Variants in PIWIL1 observed in about 807,000 individuals in gnomAD.
PIWIL1 encodes piwi-like protein 1.
PIWIL1 carries 73 observed loss-of-function variants against 114.4 expected under a neutral mutation model. The observed-to-expected ratio is 0.64, with a 90% CI of 0.53 to 0.78. PIWIL1 has a LOEUF of 0.78. PIWIL1 is among the 30% of genes least tolerant of loss of function. PIWIL1 has a pLI of 0.00. For missense variants in PIWIL1, 723 were observed against 1,063.1 expected, an observed-to-expected ratio of 0.68 and a Z score of 4.45; for synonymous variants, 375 against 369.0, an observed-to-expected ratio of 1.02 and a Z score of -0.19.
the PIWIL1 span, chr12:130,425,178 C>A: frequency 4.1e-6 from 1 of 246,480 alleles, no homozygotes; most frequent in Non-Finnish European, 7.7e-6. Flanking sequence ...ACAGTGCCCA[C>A]GGTACCGCTG....
At chr12:130,338,277 G>A (rs149267399) in intron 1 of PIWIL1, 131 bp downstream of exon 1, 52,642 of 205,938 alleles carry the variant, frequency 0.26, 5,815 homozygotes, top group South Asian at 0.29. Flanking sequence ...CAGGTGCGGG[G>A]GATGCAGGAG....
chr12:130,394,016 C>T, the PIWIL1 span, among the ~76,000 whole-genome samples: 22 of 152,274 alleles, frequency 1.4e-4, no homozygotes, highest in African/African-American at 5.1e-4. Context: ...TTATTGACGT[C>T]TTTGGGGTAA....
At chr12:130,390,965 A>C in the PIWIL1 span, among the ~76,000 whole-genome samples, 1 of 152,066 alleles carries the variant, frequency 6.6e-6, no homozygotes, top group Admixed American at 6.5e-5. Context: ...CCTTCCCCAC[A>C]TAGTTCTCTG....
chr12:130,368,195 T>C (rs2073722840), intron 19 of PIWIL1, among the ~76,000 whole-genome samples: 1 of 152,180 alleles, frequency 6.6e-6, no homozygotes, highest in African/African-American at 2.4e-5. Context: ...CATCAGTCAT[T>C]CTAAGTTGAC....
At chr12:130,422,324 T>A in the PIWIL1 span, 1 of 573,408 alleles carries the variant, frequency 1.7e-6, no homozygotes, top group African/African-American at 1.9e-5. The surrounding 1 kb of genome is among the most constrained non-coding windows in gnomAD (Gnocchi z 5.2). Flanking sequence ...GCCTTCTTTT[T>A]GCCATGAATA....
chr12:130,348,840 C>T (rs12304869), intron 7 of PIWIL1, among the ~76,000 whole-genome samples: 5,339 of 152,160 alleles, frequency 0.035, 119 homozygotes, highest in African/African-American at 0.06. Context: ...GCGGAGGTTG[C>T]AGTGAGCCGA....
chr12:130,417,924 C>T, the PIWIL1 span, among the ~76,000 whole-genome samples: 1 of 152,024 alleles, frequency 6.6e-6, no homozygotes, highest in African/African-American at 2.4e-5. Flanking sequence ...GGTCTCACAA[C>T]ACCATCAGGG....
chr12:130,405,743 T>G, the PIWIL1 span, among the ~76,000 whole-genome samples: 14,860 of 148,646 alleles, frequency 0.1, 1,030 homozygotes, highest in African/African-American at 0.19. Context: ...AAGGGAGAAG[T>G]CCTAAAATCT....
At chr12:130,370,230 G>T in intron 19 of PIWIL1, among the ~76,000 whole-genome samples, 1 of 124,522 alleles carries the variant, frequency 8.0e-6, no homozygotes, top group Non-Finnish European at 1.7e-5. Flanking sequence ...ATATTTTATT[G>T]GTACCAAGAA....
the PIWIL1 span, among the ~76,000 whole-genome samples, chr12:130,411,336 C>T: frequency 6.6e-6 from 1 of 151,992 alleles, no homozygotes; most frequent in African/African-American, 2.4e-5. Flanking sequence ...GTCTGTACAC[C>T]AGGTGTGACT....
At chr12:130,396,015 A>AAG in the PIWIL1 span, 1 of 151,696 alleles carries the variant, frequency 6.6e-6, no homozygotes, top group African/African-American at 2.4e-5. Flanking sequence ...TATTTTTGGA[A>AAG]AAAAAAAAAA....
rs146939410 is a variant in PIWIL1 at position 130,349,413 on chromosome 12, A to G, written c.909A>G (p.Leu303=). The G allele has an allele frequency of 1.9e-6, 3 of 1,611,496 alleles. No individual in the cohort carries two copies. The highest frequency in any genetic ancestry group is 1.3e-5 in the African/African-American group (1 of 74,908). ...TTCAAGAACAAGTTTCCAAAGAACT[A>G]ATAGGTTTAGTTGTTCTTACCAAGT... ...HKFQEQVSKE[L]IGLVVLTKYN... is the part of the protein sequence containing the mutation. The change falls in exon 8 of 21, where the codon CTA becomes CTG. Residue 303 remains leucine, a synonymous_variant. Coordinates refer to ENST00000245255, the MANE Select transcript of PIWIL1 (RefSeq NM_004764.5).
chr12:130,393,388 A>G, the PIWIL1 span, among the ~76,000 whole-genome samples: 781 of 103,676 alleles, frequency 7.5e-3, no homozygotes, highest in South Asian at 0.041. Flanking sequence ...GTGATGACCC[A>G]GTCACCGTCA....
intron 9 of PIWIL1, among the ~76,000 whole-genome samples, chr12:130,353,237 G>A (rs565790910): frequency 6.6e-6 from 1 of 151,244 alleles, no homozygotes; most frequent in East Asian, 1.9e-4. Context: ...GGAGGTGTGT[G>A]GTTTTTTGTT....
intron 12 of PIWIL1, 104 bp from the exon 13 acceptor site, chr12:130,356,814 A>T: frequency 1.4e-6 from 1 of 728,754 alleles, no homozygotes; most frequent in Non-Finnish European, 2.2e-6. Context: ...TAAAAGTAGT[A>T]CACTAAGTTT....
intron 9 of PIWIL1, chr12:130,351,489 C>G (rs1239527718): frequency 6.6e-6 from 1 of 152,218 alleles, no homozygotes; most frequent in Non-Finnish European, 1.5e-5. Context: ...TTGGATGACT[C>G]AAAGATACCT....
In PIWIL1 at chr12:130,362,284, T is replaced by C. The variant is rs1424407050; in HGVS notation, c.1971-482T>C. Among the ~76,000 whole-genome samples the C allele has an allele frequency of 3.3e-5, 5 of 152,314 alleles. No homozygotes were observed. The East Asian group carries it at 9.7e-4, about 29-fold the overall frequency. On this transcript the variant is annotated intron_variant, in intron 16 of 20. Transcript: ENST00000245255. ...TTGTCTTCTTTGCGTCCATGAGTTC[T>C]CATCATTTAGCTGCCGCTTATAAGT...
the PIWIL1 span, chr12:130,399,060 C>A: frequency 1.0e-6 from 1 of 958,314 alleles, no homozygotes. Context: ...CACACTGGCC[C>A]GGTTAAGGTA....
At chr12:130,349,739 C>G (rs2073164315) in intron 8 of PIWIL1, 117 bp from the exon 9 acceptor site, 6 of 645,912 alleles carry the variant, frequency 9.3e-6, no homozygotes, top group Non-Finnish European at 1.6e-5. Flanking sequence ...CTTTTTCCAA[C>G]CTTGTATATA....
Sources: allele counts gnomAD v4.1 joint callset (sites outside exome capture counted in the v4.1 genomes callset), GRCh38; gene constraint gnomAD v4.1.1; non-coding constraint Gnocchi (gnomAD v3.1); transcripts MANE v1.5; gene names NCBI Gene and HGNC (gene_info 2026-07-23, HGNC 2026-07-21).